The following POU2F2 variants were observed in gnomAD, a reference collection of about 807,000 sequenced individuals.
POU2F2 encodes the protein POU domain, class 2, transcription factor 2.
POU2F2 carries 14 observed loss-of-function variants against 63.5 expected under a neutral mutation model. That is an observed-to-expected ratio of 0.22 (90% CI 0.15 to 0.34). The LOEUF (loss-of-function observed/expected upper bound fraction) is 0.34. POU2F2 is among the 10% of genes least tolerant of loss of function. POU2F2 has a pLI of 1.00. For missense variants in POU2F2, 607 were observed against 815.2 expected (o/e 0.74, Z 3.11); for synonymous variants, 306 against 348.6 (o/e 0.88, Z 1.36).
intron 2 of POU2F2, among the ~76,000 whole-genome samples, chr19:42,145,385 G>A (rs1181286032): frequency 6.6e-6 from 1 of 152,192 alleles, no homozygotes; most frequent in Non-Finnish European, 1.5e-5. Flanking sequence ...TCAGAACTGT[G>A]CGGACCCTGA....
In POU2F2 at chr19:42,185,707, A is replaced by C. The variant is rs907761199; in HGVS notation, c.-70+10676T>G. On this transcript the variant is annotated intron_variant, in intron 1 of 5. Transcript: ENST00000532176. Reference sequence around the variant, plus strand: ...AAACCTCCAGTTCATCCATTCATCCATCCAATACACACAGCTTGAGTATCT... The same window carrying C: ...AAACCTCCAGTTCATCCATTCATCCCTCCAATACACACAGCTTGAGTATCT... Among the ~76,000 whole-genome samples, 3 of 152,182 alleles carry C rather than the reference A, an allele frequency of 2.0e-5. No individual in the cohort carries two copies. The South Asian group carries it at 6.2e-4, about 31-fold the overall frequency.
chr19:42,178,309 G>C (rs1475428599), upstream of POU2F2, among the ~76,000 whole-genome samples: 1 of 151,892 alleles, frequency 6.6e-6, no homozygotes, highest in African/African-American at 2.4e-5. Flanking sequence ...CAGAGAGATA[G>C]TGAAAAAATA....
At chr19:42,125,133 A>C (rs76227320) in intron 1 of POU2F2, among the ~76,000 whole-genome samples, 101 of 152,286 alleles carry the variant, frequency 6.6e-4, no homozygotes, top group African/African-American at 2.4e-3. Context: ...CAAGGCAGGT[A>C]GATCACTTGA....
upstream of POU2F2, chr19:42,177,256 C>CTCCCGA (rs1443842242): frequency 6.4e-6 from 1 of 155,218 alleles, no homozygotes; most frequent in Non-Finnish European, 1.4e-5. Flanking sequence ...GCTACCCCCG[C>CTCCCGA]TCCCGCTCCC....
chr19:42,100,183 C>A (rs1361305759), intron 5 of POU2F2, among the ~76,000 whole-genome samples: 1 of 143,726 alleles, frequency 7.0e-6, no homozygotes, highest in Admixed American at 7.1e-5. Flanking sequence ...TCTCCGCCTC[C>A]TGGGTTCACG....
intron 2 of POU2F2, among the ~76,000 whole-genome samples, chr19:42,138,595 C>T (rs867236063): frequency 1.3e-4 from 20 of 152,050 alleles, no homozygotes; most frequent in African/African-American, 4.8e-4. Context: ...CGGCTGGTAG[C>T]ATGGAATCTG....
chr19:42,108,995 G>A (rs1287120383), intron 5 of POU2F2, among the ~76,000 whole-genome samples: 2 of 152,250 alleles, frequency 1.3e-5, no homozygotes, highest in East Asian at 3.8e-4. Flanking sequence ...AATGAATGAG[G>A]TGAAACCTCA....
At chr19:42,187,395 C>T (rs879269271) in intron 1 of POU2F2, among the ~76,000 whole-genome samples, 4 of 145,718 alleles carry the variant, frequency 2.7e-5, no homozygotes, top group Non-Finnish European at 6.0e-5. Context: ...CACTTGAACC[C>T]AGGAGGTGGA....
intron 1 of POU2F2, among the ~76,000 whole-genome samples, chr19:42,166,640 G>T (rs2034656655): frequency 6.6e-6 from 1 of 152,144 alleles, no homozygotes; most frequent in African/African-American, 2.4e-5. Flanking sequence ...GCGTCAGGGG[G>T]TGAGCAGATC....
intron 2 of POU2F2, among the ~76,000 whole-genome samples, chr19:42,143,958 GT>G (rs1306351591): frequency 5.9e-5 from 9 of 152,076 alleles, no homozygotes; most frequent in African/African-American, 1.9e-4. Context: ...CAAGCCTCGT[GT>G]CACGTGCTTG....
upstream of POU2F2, among the ~76,000 whole-genome samples, chr19:42,179,664 CAT>C (rs1415778857): frequency 5.9e-5 from 9 of 152,092 alleles, no homozygotes; most frequent in Non-Finnish European, 7.4e-5. Context: ...GCGGGACCCT[CAT>C]GTGTGTGTGA....
rs55947953 is a variant in POU2F2 at position 42,182,242 on chromosome 19, AAGAGAGAGAG to A, written c.-70+14131_-70+14140del. Among the ~76,000 whole-genome samples the A allele has an allele frequency of 7.9e-3, 1,000 of 125,996 alleles. 22 individuals carry two copies. The highest frequency in any genetic ancestry group is 0.025 in the African/African-American group (823 of 32,788). The allele number at this position is 125,996 out of a possible 152,430, so 82.7% of individuals were successfully genotyped here. A position where few individuals can be genotyped will look rare whatever the true frequency, so the allele number is the denominator to read the frequency against. ...GCGATAGAGCAAGACTCTGTCTCAA[AAGAGAGAGAG>A]AGAGAGAGAGAGAGAGAGAGAGAGA... On this transcript the variant is annotated intron_variant, in intron 1 of 5. Coordinates refer to the POU2F2 transcript ENST00000532176.
chr19:42,096,258 AG>A lies in POU2F2; in HGVS notation c.568-16del, dbSNP rs1308680861. 3 of 874,880 alleles carry A rather than the reference AG, an allele frequency of 3.4e-6. No homozygotes were observed. The highest frequency in any genetic ancestry group is 5.1e-6 in the Non-Finnish European group (3 of 583,322). The allele number at this position is 874,880 out of a possible 1,614,324, so 54.2% of individuals were successfully genotyped here. ...CGGGTCACGGCCTGGTGGGGTGGGCAGGTGGGTGGGATGCAGGGCGGAGGAC... is the reference window on the plus strand; with the variant it reads ...CGGGTCACGGCCTGGTGGGGTGGGCAGTGGGTGGGATGCAGGGCGGAGGAC... On this transcript the variant is annotated splice_polypyrimidine_tract_variant and intron_variant, in intron 7 of 14. Transcript: ENST00000692977. The surrounding 1 kb of genome is among the most constrained non-coding windows in gnomAD (Gnocchi z 4.1).
chr19:42,090,082 G>A lies in POU2F2; in HGVS notation c.*1175C>T, dbSNP rs1281655956. 6.6e-6 allele frequency: 1 copy of A among 152,664 alleles called. No individual in the cohort carries two copies. The highest frequency in any genetic ancestry group is 1.5e-5 in the Non-Finnish European group (1 of 68,066). The allele number at this position is 152,664 out of a possible 1,614,324, so 9.5% of individuals were successfully genotyped here. On this transcript the variant is annotated 3_prime_UTR_variant, in exon 15 of 15. Coordinates refer to ENST00000692977, the MANE Select transcript of POU2F2 (RefSeq NM_001394376.1). The surrounding 1 kb of genome is among the most constrained non-coding windows in gnomAD (Gnocchi z 4.4). ...GTGTGCGTGCGTGCATGTGGGGGGAGGGAGAGGCATTCGCCAGTACCAGAG... is the reference window on the plus strand; with the variant it reads ...GTGTGCGTGCGTGCATGTGGGGGGAAGGAGAGGCATTCGCCAGTACCAGAG...
rs1033909204 is a variant in POU2F2, at chr19:42,091,359, T to A, written c.1773A>T (p.Ser591=). The A allele has an allele frequency of 2.5e-5, 38 of 1,537,920 alleles. No homozygotes were observed. Among genetic ancestry groups the A allele is most frequent in the Non-Finnish European group, 3.0e-5 (34 of 1,146,762 alleles). Residue 591 remains serine (S), a synonymous_variant, in exon 15 of 15, where the codon TCA becomes TCT. Transcript: ENST00000692977. ...ISSKSPGLSS[S]SSSSSSSSSS... ...AGGAGGAGGATGAGGATGAAGAGGA[T>A]GAGGAGGAGAGGCCAGGAGACTTGC...
At position 42,096,228 on chromosome 19, in the gene POU2F2, T is replaced by C. The variant is rs1177541369; in HGVS notation, c.583A>G (p.Thr195Ala). ...TGCGAGAGGTGCGGGTCGGGCAGCG[T>C]AGGGCGGGTCACGGCCTGGTGGGGT... Reference protein sequence around the residue: ...GLPTQAVTRPTLPDPHLSHPQ... With the variant: ...GLPTQAVTRPALPDPHLSHPQ... Residue 195 changes from threonine (T) to alanine (A), a missense_variant, in exon 8 of 15, where the codon ACG (threonine) becomes GCG (alanine). Transcript: ENST00000692977. The surrounding 1 kb of genome is among the most constrained non-coding windows in gnomAD (Gnocchi z 4.1). The C allele has an allele frequency of 6.3e-7, 1 of 1,589,558 alleles. No homozygotes were observed.
Position 42,092,418 on chromosome 19 carries a change from C to A in POU2F2, c.1265-148G>T. On this transcript the variant is annotated intron_variant, in intron 12 of 14. Coordinates refer to ENST00000692977, the MANE Select transcript of POU2F2 (RefSeq NM_001394376.1). The surrounding 1 kb of genome is among the most constrained non-coding windows in gnomAD (Gnocchi z 5.0). ...CCTTAGACCTCCCTGCCCTCTCTTCCCAGAGTCATTTCCCTGTGCCTCTGC... is the reference window on the plus strand; with the variant it reads ...CCTTAGACCTCCCTGCCCTCTCTTCACAGAGTCATTTCCCTGTGCCTCTGC... The A allele has an allele frequency of 1.5e-6, 1 of 682,068 alleles. No individual in the cohort carries two copies. The highest frequency in any genetic ancestry group is 2.6e-6 in the Non-Finnish European group (1 of 385,102). 42.3% of individuals were successfully genotyped at this position (682,068 alleles called of 1,614,324 possible). A position where few individuals can be genotyped will look rare whatever the true frequency, so the allele number is the denominator to read the frequency against.
At chr19:42,106,098 CTCTT>C (rs1035430662) in intron 5 of POU2F2, among the ~76,000 whole-genome samples, 4 of 141,614 alleles carry the variant, frequency 2.8e-5, no homozygotes, top group South Asian at 2.2e-4. Context: ...TTCTCTCTCT[CTCTT>C]TCTTTCTTTT....
At chr19:42,116,361 C>T (rs1216068764) in intron 5 of POU2F2, among the ~76,000 whole-genome samples, 1 of 152,110 alleles carries the variant, frequency 6.6e-6, no homozygotes, top group African/African-American at 2.4e-5. Context: ...CCACATGGTA[C>T]CATTCACGAG....
Sources: allele counts gnomAD v4.1 joint callset (sites outside exome capture counted in the v4.1 genomes callset), GRCh38; gene constraint gnomAD v4.1.1; non-coding constraint Gnocchi (gnomAD v3.1); transcripts MANE v1.5; gene names NCBI Gene and HGNC (gene_info 2026-07-23, HGNC 2026-07-21).